The following CTNNA3 variants were observed in gnomAD, a reference collection of about 807,000 sequenced individuals.
The protein encoded by CTNNA3 is catenin alpha 3, also known as catenin alpha-3.
In CTNNA3, 76 loss-of-function variants were observed where a neutral mutation model predicts 95.7. That is an observed-to-expected ratio of 0.79 (90% CI 0.66 to 0.96). The LOEUF is 0.96. CTNNA3 is among the 40% of genes least tolerant of loss of function. The probability of loss-of-function intolerance (pLI) is 0.00; values close to 1 mark genes in which losing one functional copy is unlikely to be tolerated. For missense variants in CTNNA3, 1,191 were observed against 1,089.8 expected (o/e 1.09, Z -1.31); for synonymous variants, 431 against 374.4 (o/e 1.15, Z -1.74).
At chr10:67,070,420 C>A (rs57557543) in intron 7 of CTNNA3, among the ~76,000 whole-genome samples, 2,967 of 151,990 alleles carry the variant, frequency 0.02, 70 homozygotes, top group East Asian at 0.12. Context: ...CAATCTCTCT[C>A]TATATATATA....
intron 10 of CTNNA3, among the ~76,000 whole-genome samples, chr10:66,601,502 T>C (rs1843921486): frequency 6.6e-6 from 1 of 151,922 alleles, no homozygotes; most frequent in South Asian, 2.1e-4. Flanking sequence ...CAGTTCATTC[T>C]TTCTATGGAG....
intron 15 of CTNNA3, among the ~76,000 whole-genome samples, chr10:66,063,476 TTC>T (rs969524274): frequency 2.0e-5 from 3 of 151,556 alleles, no homozygotes; most frequent in African/African-American, 7.3e-5. Flanking sequence ...CTTCTGAAAT[TTC>T]TTTCACTTTT....
chr10:66,858,352 C>G (rs1015787272), intron 7 of CTNNA3, among the ~76,000 whole-genome samples: 8 of 151,712 alleles, frequency 5.3e-5, no homozygotes, highest in African/African-American at 1.9e-4. Context: ...AGGATATTGG[C>G]TTTAAGTTTT....
At chr10:67,256,461 T>C (rs1589094433) in intron 5 of CTNNA3, among the ~76,000 whole-genome samples, 2 of 152,190 alleles carry the variant, frequency 1.3e-5, no homozygotes, top group East Asian at 1.9e-4. Flanking sequence ...ATATAGACTA[T>C]AAAAACCACA....
chr10:67,713,532 C>T (rs940357273), intron 1 of CTNNA3, among the ~76,000 whole-genome samples: 1 of 152,164 alleles, frequency 6.6e-6, no homozygotes, highest in Non-Finnish European at 1.5e-5. Context: ...TTGGAACCAA[C>T]CCAGATGCCC....
intron 5 of CTNNA3, among the ~76,000 whole-genome samples, chr10:67,318,055 A>T (rs1055305548): frequency 6.6e-6 from 1 of 152,060 alleles, no homozygotes; most frequent in Admixed American, 6.6e-5. Context: ...GTGAGGTGTA[A>T]AGACATTTAA....
intron 12 of CTNNA3, among the ~76,000 whole-genome samples, chr10:66,348,426 T>C (rs1473049797): frequency 1.4e-4 from 21 of 152,074 alleles, no homozygotes; most frequent in Non-Finnish European, 8.8e-5. Context: ...ATGTACTGCA[T>C]AGTATGGTTG....
At chr10:67,350,204 T>C (rs1002960770) in intron 5 of CTNNA3, among the ~76,000 whole-genome samples, 1 of 152,056 alleles carries the variant, frequency 6.6e-6, no homozygotes, top group African/African-American at 2.4e-5. Context: ...AATAAAACCA[T>C]GCCTAGTGAA....
chr10:67,438,983 A>G (rs940248903), intron 5 of CTNNA3, among the ~76,000 whole-genome samples: 23 of 152,146 alleles, frequency 1.5e-4, no homozygotes, highest in African/African-American at 5.5e-4. Flanking sequence ...AAGGCAGTCT[A>G]TGACACAAGG....
chr10:66,513,135 C>T (rs10997211), intron 11 of CTNNA3, among the ~76,000 whole-genome samples: 27,957 of 152,028 alleles, frequency 0.18, 2,818 homozygotes, highest in African/African-American at 0.27. Flanking sequence ...ATTTCTAAAA[C>T]AGGAATAGAC....
At chr10:67,365,495 C>T (rs748946460) in intron 5 of CTNNA3, among the ~76,000 whole-genome samples, 1 of 152,164 alleles carries the variant, frequency 6.6e-6, no homozygotes, top group Non-Finnish European at 1.5e-5. Flanking sequence ...GGGCTAATAT[C>T]CAGAATCTAA....
intron 3 of CTNNA3, among the ~76,000 whole-genome samples, chr10:67,564,647 G>GTA (rs1342737153): frequency 8.8e-6 from 1 of 113,726 alleles, no homozygotes; most frequent in Non-Finnish European, 1.8e-5. Context: ...TATAACAACT[G>GTA]TATATATATG....
At chr10:66,668,741 G>A (rs1021287484) in intron 9 of CTNNA3, among the ~76,000 whole-genome samples, 25 of 151,986 alleles carry the variant, frequency 1.6e-4, no homozygotes, top group African/African-American at 5.6e-4. Flanking sequence ...AAACCTGGGC[G>A]GTGGAGGTTG....
intron 9 of CTNNA3, among the ~76,000 whole-genome samples, chr10:66,725,824 T>C (rs184993126): frequency 1.3e-5 from 2 of 152,234 alleles, no homozygotes; most frequent in Admixed American, 1.3e-4. Flanking sequence ...TTTCAGATAT[T>C]GTAACACAAT....
intron 7 of CTNNA3, among the ~76,000 whole-genome samples, chr10:66,989,038 T>C (rs1850891131): frequency 6.6e-6 from 1 of 152,116 alleles, no homozygotes; most frequent in African/African-American, 2.4e-5. Flanking sequence ...CTTTTATCAG[T>C]CTCGTTACCT....
intron 6 of CTNNA3, among the ~76,000 whole-genome samples, chr10:67,193,005 A>G (rs1863188208): frequency 6.6e-6 from 1 of 152,054 alleles, no homozygotes; most frequent in African/African-American, 2.4e-5. Context: ...AGCCAAACAC[A>G]GAAAGACAAA....
At chr10:67,135,509 A>G (rs1860254156) in intron 7 of CTNNA3, among the ~76,000 whole-genome samples, 1 of 152,080 alleles carries the variant, frequency 6.6e-6, no homozygotes, top group African/African-American at 2.4e-5. Context: ...CTAAAAAATT[A>G]AAATAAAATA....
At chr10:66,757,984 T>A (rs1470580375) in intron 9 of CTNNA3, among the ~76,000 whole-genome samples, 1 of 152,172 alleles carries the variant, frequency 6.6e-6, no homozygotes, top group Admixed American at 6.5e-5. Context: ...TTTGCATGAT[T>A]TTGGCACAGA....
chr10:67,141,085 G>C (rs1179459363), intron 7 of CTNNA3, among the ~76,000 whole-genome samples: 2 of 152,154 alleles, frequency 1.3e-5, no homozygotes, highest in Non-Finnish European at 2.9e-5. Context: ...CCTCAATGTA[G>C]AGGCATGCTC....
Sources: allele counts gnomAD v4.1 joint callset (sites outside exome capture counted in the v4.1 genomes callset), GRCh38; gene constraint gnomAD v4.1.1; transcripts MANE v1.5; gene names NCBI Gene and HGNC (gene_info 2026-07-23, HGNC 2026-07-21).